MYOM2: variants seen among roughly 807,000 people sequenced by gnomAD.
MYOM2 encodes the protein myomesin 2.
MYOM2 carries 254 observed loss-of-function variants against 187.6 expected under a neutral mutation model. The ratio of observed to expected loss-of-function variants is 1.35; its 90% CI spans 1.22 to 1.50. The LOEUF is 1.50. Among genes scored for constraint, MYOM2 ranks in the 40% most tolerant of loss-of-function variants. The pLI is 0.00. For missense variants in MYOM2, 2,796 were observed against 1,924.0 expected (o/e 1.45, Z -8.48); for synonymous variants, 981 against 753.8 (o/e 1.30, Z -4.94).
chr8:2,116,227 G>A lies in MYOM2; in HGVS notation c.3337G>A (p.Val1113Met), dbSNP rs1585933200. The A allele has an allele frequency of 1.9e-6, 3 of 1,611,722 alleles. No individual in the cohort carries two copies. The highest frequency in any genetic ancestry group is 2.5e-6 in the Non-Finnish European group (3 of 1,178,784). ...AATATTGAATTTAGCATTCAAGACT[G>A]TGCTGGAAGAGGCTGAGTTTCAAAG... ...LVLIGDAFKT[V>M]LEEAEFQRKE... The change falls in exon 27 of 37, where the codon GTG becomes ATG. Residue 1113 changes from valine (V) to methionine (M), a missense_variant. Transcript: ENST00000262113.
rs1291893609 is a variant in MYOM2 at position 2,092,641 on chromosome 8, C to T, written c.2003+121C>T. The T allele has an allele frequency of 4.9e-6, 5 of 1,019,982 alleles. No individual in the cohort carries two copies. In the African/African-American group the frequency reaches 8.1e-5, roughly 17 times the overall value. The allele number at this position is 1,019,982 out of a possible 1,614,324, so 63.2% of individuals were successfully genotyped here. A position where few individuals can be genotyped will look rare whatever the true frequency, so the allele number is the denominator to read the frequency against. On this transcript the variant is annotated intron_variant, in intron 16 of 36. Transcript: ENST00000262113. ...AAGGCTTCTGCGTAAATGAGTCTGTCTTAGCCACACACAAGGGCTGTATAA... is the reference window on the plus strand; with the variant it reads ...AAGGCTTCTGCGTAAATGAGTCTGTTTTAGCCACACACAAGGGCTGTATAA...
rs1455202259 is a variant in MYOM2, at chr8:2,057,788, G to A, written c.560+8G>A. The A allele has an allele frequency of 1.9e-6, 3 of 1,612,706 alleles. No homozygotes were observed. Among genetic ancestry groups the A allele is most frequent in the Admixed American group, 3.3e-5 (2 of 59,944 alleles). On this transcript the variant is annotated splice_region_variant and intron_variant, in intron 5 of 36. Transcript: ENST00000262113. ...CACGCCCGTGGTGCAGTGGTGAGGG[G>A]CTCTGTTCCCAGGGGGTGAAGAAGT...
chr8:2,093,653 G>T (rs1767146203), intron 16 of MYOM2, among the ~76,000 whole-genome samples: 1 of 152,172 alleles, frequency 6.6e-6, no homozygotes, highest in Non-Finnish European at 1.5e-5. Context: ...TACATACACG[G>T]GTTCTTTTAG....
chr8:2,116,322 A>C (rs951364126), intron 27 of MYOM2, 47 bp downstream of exon 27: 1 of 1,554,124 alleles, frequency 6.4e-7, no homozygotes, highest in Non-Finnish European at 8.8e-7. Flanking sequence ...AGCATAAAGC[A>C]AAGATGATTG....
At chr8:2,085,445 T>C in intron 14 of MYOM2, 55 bp downstream of exon 14, 3 of 1,591,814 alleles carry the variant, frequency 1.9e-6, no homozygotes, top group South Asian at 1.1e-5. Flanking sequence ...CCCCCCACTG[T>C]CATGATCTCT....
rs1797538381 is a variant in MYOM2 at position 2,123,706 on chromosome 8, T to A, written c.3655+64T>A. On this transcript the variant is annotated intron_variant, in intron 30 of 36. Coordinates refer to ENST00000262113, the MANE Select transcript of MYOM2 (RefSeq NM_003970.4). ...CCTTTCACCAACAGGATGGGATGTA[T>A]TCTGAAGGCAGGTCTATGTCTAGCC... 4.9e-5 allele frequency: 69 copies of A among 1,414,422 alleles called. 2 individuals are homozygous for A. The South Asian group carries it at 8.0e-4, about 16-fold the overall frequency. 87.6% of individuals were successfully genotyped at this position (1,414,422 alleles called of 1,614,324 possible).
rs79128111 is a variant in MYOM2 at position 2,063,124 on chromosome 8, G to C, written c.653+3879G>C. ...TGTCTCAGTATTCTTGTTGGTCCTA[G>C]GAAGCTCCAAACAGATGAAATGTTA... On this transcript the variant is annotated intron_variant, in intron 6 of 36. Coordinates refer to ENST00000262113, the MANE Select transcript of MYOM2 (RefSeq NM_003970.4). Among the ~76,000 whole-genome samples, 447 of 152,268 alleles carry C rather than the reference G, an allele frequency of 2.9e-3. 2 individuals carry two copies. Among genetic ancestry groups the C allele is most frequent in the African/African-American group, 0.01 (423 of 41,560 alleles).
intron 28 of MYOM2, among the ~76,000 whole-genome samples, chr8:2,121,671 T>C (rs1585943056): frequency 6.6e-6 from 1 of 152,236 alleles, no homozygotes; most frequent in South Asian, 2.1e-4. Context: ...GAAAAACTTA[T>C]GCAAGGATGC....
chr8:2,098,284 G>A (rs896551547), intron 18 of MYOM2, among the ~76,000 whole-genome samples: 1 of 152,126 alleles, frequency 6.6e-6, no homozygotes, highest in African/African-American at 2.4e-5. Flanking sequence ...TTGGTCAAAG[G>A]CCTCCCTGGT....
Position 2,094,261 on chromosome 8 carries a change from G to C in MYOM2, c.2125+170G>C, listed in dbSNP as rs1367385890. Among the ~76,000 whole-genome samples the C allele has an allele frequency of 2.6e-5, 4 of 152,136 alleles. No individual in the cohort carries two copies. In the East Asian group the frequency reaches 5.8e-4, roughly 22 times the overall value. ...AGCCTCTCGGTTGGCTGCTTGTCTT[G>C]GAAATGACAGTGTGAGAGGGAGAAA... On this transcript the variant is annotated intron_variant, in intron 17 of 36. Coordinates refer to ENST00000262113, the MANE Select transcript of MYOM2 (RefSeq NM_003970.4).
intron 2 of MYOM2, 70 bp downstream of exon 2, chr8:2,050,943 C>T: frequency 8.2e-7 from 1 of 1,225,802 alleles, no homozygotes; most frequent in Non-Finnish European, 1.2e-6. Context: ...AAGGCTTTTC[C>T]AGTTCCGTCA....
At chr8:2,072,624 C>A in intron 9 of MYOM2, 115 bp downstream of exon 9, 2 of 1,279,092 alleles carry the variant, frequency 1.6e-6, no homozygotes, top group Non-Finnish European at 2.1e-6. Context: ...CAGCTCCAGA[C>A]AGCGAAACAA....
rs780358676 is a variant in MYOM2 at position 2,096,336 on chromosome 8, G to A, written c.2215G>A (p.Gly739Ser). The change falls in exon 18 of 37, where the codon GGC becomes AGC. Residue 739 changes from glycine (G) to serine (S), a missense_variant. Physicochemically the swap from Gly to Ser is moderately conservative, Grantham distance 56 (BLOSUM62 0). Coordinates refer to ENST00000262113, the MANE Select transcript of MYOM2 (RefSeq NM_003970.4). ...LGWKVPKFSG[G>S]SPILGYYLDK... ...CTGGAAGGTCCCGAAATTCAGTGGT[G>A]GCTCGCCCATCCTGGGCTACTACCT... The A allele has an allele frequency of 6.2e-7, 1 of 1,614,184 alleles. No individual in the cohort carries two copies. Among genetic ancestry groups the A allele is most frequent in the Non-Finnish European group, 8.5e-7 (1 of 1,180,038 alleles).
chr8:2,073,826 C>G lies in MYOM2; in HGVS notation c.1120+326C>G, dbSNP rs145329543. The stretch of plus-strand genomic sequence containing the variant: ...CCCAGATTTACTCATTCTCAGGGAA[C>G]GTAGCCCGAGGATGAAGAGGGGCAC... On this transcript the variant is annotated intron_variant, in intron 10 of 36. Coordinates refer to ENST00000262113, the MANE Select transcript of MYOM2 (RefSeq NM_003970.4). Among the ~76,000 whole-genome samples the G allele has an allele frequency of 6.6e-5, 10 of 152,300 alleles. No individual in the cohort carries two copies. In the East Asian group the frequency reaches 1.9e-3, roughly 29 times the overall value.
chr8:2,131,309 CTG>C (rs1797858019), intron 32 of MYOM2, among the ~76,000 whole-genome samples: 1 of 152,136 alleles, frequency 6.6e-6, no homozygotes, highest in Admixed American at 6.5e-5. Flanking sequence ...GATGTGGAAA[CTG>C]GGGTTCAGGG....
At chr8:2,073,600 G>C in intron 10 of MYOM2, 100 bp downstream of exon 10, 17 of 1,371,014 alleles carry the variant, frequency 1.2e-5, no homozygotes, top group Non-Finnish European at 1.6e-5. Context: ...AGTCCAGAGG[G>C]TGTGAGACCA....
Position 2,118,049 on chromosome 8 carries a change from T to A in MYOM2, c.3453+97T>A, listed in dbSNP as rs540471673. On this transcript the variant is annotated intron_variant, in intron 28 of 36. Transcript: ENST00000262113. ...GTAGCTGTGGCCAGATCTGTGATGCTGGTGAGGAAACGTGTGGTGCCTGTG... is the reference window on the plus strand; with the variant it reads ...GTAGCTGTGGCCAGATCTGTGATGCAGGTGAGGAAACGTGTGGTGCCTGTG... 2.5e-5 allele frequency: 28 copies of A among 1,100,310 alleles called. No individual in the cohort carries two copies. In the Admixed American group the frequency reaches 5.8e-4, roughly 23 times the overall value. The allele number at this position is 1,100,310 out of a possible 1,614,324, so 68.2% of individuals were successfully genotyped here. A position where few individuals can be genotyped will look rare whatever the true frequency, so the allele number is the denominator to read the frequency against.
chr8:2,071,022 C>T (rs1319057638), intron 8 of MYOM2, among the ~76,000 whole-genome samples: 2 of 152,220 alleles, frequency 1.3e-5, no homozygotes, highest in Admixed American at 6.5e-5. Context: ...GGCTGGAGTG[C>T]AGTGGTGCGA....
intron 25 of MYOM2, among the ~76,000 whole-genome samples, chr8:2,114,842 C>A (rs73169415): frequency 0.15 from 22,691 of 152,070 alleles, 1,852 homozygotes; most frequent in Middle Eastern, 0.2. Flanking sequence ...ATCCTCCTGC[C>A]TCAGCCTTCC....
Sources: allele counts gnomAD v4.1 joint callset (sites outside exome capture counted in the v4.1 genomes callset), GRCh38; gene constraint gnomAD v4.1.1; transcripts MANE v1.5; gene names NCBI Gene and HGNC (gene_info 2026-07-23, HGNC 2026-07-21).